The following CNOT6L variants were observed in gnomAD, a reference collection of about 807,000 sequenced individuals.
CNOT6L encodes the protein CCR4-NOT transcription complex subunit 6 like.
CNOT6L carries 7 observed loss-of-function variants against 64.0 expected under a neutral mutation model. That is an observed-to-expected ratio of 0.11 (90% confidence interval 0.06 to 0.21). The LOEUF (loss-of-function observed/expected upper bound fraction) is 0.21. Among genes scored for constraint, CNOT6L ranks in the 10% least tolerant of loss-of-function variants. The pLI is 1.00. For synonymous variants in CNOT6L, 193 were observed against 243.4 expected, an observed-to-expected ratio of 0.79 and a Z score of 1.93; for missense variants, 245 against 669.0, an observed-to-expected ratio of 0.37 and a Z score of 6.99.
chr4:77,811,269 G>C (rs549265067), intron 1 of CNOT6L, among the ~76,000 whole-genome samples: 1 of 152,152 alleles, frequency 6.6e-6, no homozygotes, highest in African/African-American at 2.4e-5. Flanking sequence ...TCAAGAAAGG[G>C]TCGGGCGCGG....
intron 4 of CNOT6L, among the ~76,000 whole-genome samples, chr4:77,771,248 G>GTTGCCGGGAGGCGGAA (rs1727522667): frequency 6.6e-6 from 1 of 152,114 alleles, no homozygotes; most frequent in African/African-American, 2.4e-5. Flanking sequence ...GGGAGGCGGA[G>GTTGCCGGGAGGCGGAA]GTTGCCGGGA....
chr4:77,736,689 G>A (rs903901947), intron 8 of CNOT6L, among the ~76,000 whole-genome samples: 1 of 151,908 alleles, frequency 6.6e-6, no homozygotes, highest in South Asian at 2.1e-4. Context: ...TTGGTAATAC[G>A]GAAAATCTTA....
Position 77,737,406 on chromosome 4 carries a change from C to CTTTTTT in CNOT6L, c.872+4729_872+4734dup, listed in dbSNP as rs56952956. Among the ~76,000 whole-genome samples, 66 of 82,380 alleles carry CTTTTTT rather than the reference C, an allele frequency of 8.0e-4. 2 individuals carry two copies. Among genetic ancestry groups the CTTTTTT allele is most frequent in the African/African-American group, 2.4e-3 (50 of 21,150 alleles). 54.0% of individuals were successfully genotyped at this position (82,380 alleles called of 152,430 possible). ...AATAACATCCTATATTTGTACCGTTCTTTTTTTTTTTTTTTTTTTTTTTTT... is the reference window on the plus strand; with the variant it reads ...AATAACATCCTATATTTGTACCGTTCTTTTTTTTTTTTTTTTTTTTTTTTTTTTTTT... On this transcript the variant is annotated intron_variant, in intron 8 of 11. Coordinates refer to ENST00000504123, the MANE Select transcript of CNOT6L (RefSeq NM_144571.3).
At chr4:77,761,461 C>T (rs1726219183) in intron 4 of CNOT6L, among the ~76,000 whole-genome samples, 1 of 152,156 alleles carries the variant, frequency 6.6e-6, no homozygotes, top group African/African-American at 2.4e-5. Flanking sequence ...GAAAATGCTA[C>T]CAATCATTTA....
In CNOT6L at chr4:77,714,595, TTG is replaced by T. The variant is rs1184080775; in HGVS notation, c.*5834_*5835del. The T allele has an allele frequency of 1.3e-5, 2 of 152,508 alleles. No homozygotes were observed. Among genetic ancestry groups the T allele is most frequent in the Non-Finnish European group, 2.9e-5 (2 of 68,018 alleles). 9.4% of individuals were successfully genotyped at this position (152,508 alleles called of 1,614,324 possible). A position where few individuals can be genotyped will look rare whatever the true frequency, so the allele number is the denominator to read the frequency against. ...TCTCAGCTTCTCCAAGATGAAAAAG[TTG>T]TTTGCATTTGGACAACAACTGTACG... On this transcript the variant is annotated 3_prime_UTR_variant, in exon 12 of 12. Coordinates refer to ENST00000504123, the MANE Select transcript of CNOT6L (RefSeq NM_144571.3).
At chr4:77,799,005 A>C (rs1484251386) in intron 1 of CNOT6L, among the ~76,000 whole-genome samples, 2 of 152,160 alleles carry the variant, frequency 1.3e-5, no homozygotes, top group African/African-American at 4.8e-5. Context: ...TTAAATATGC[A>C]GCTACCATAT....
chr4:77,716,640 T>C lies in CNOT6L; in HGVS notation c.*3791A>G, dbSNP rs776372365. 1 of 152,548 alleles carries C rather than the reference T, an allele frequency of 6.6e-6. No individual in the cohort carries two copies. Among genetic ancestry groups the C allele is most frequent in the Non-Finnish European group, 1.5e-5 (1 of 68,018 alleles). 9.4% of individuals were successfully genotyped at this position (152,548 alleles called of 1,614,324 possible). ...ATGTGCCACATCCTCAATTCTAATA[T>C]AATCTACCATAGAATCAAGTGATAT... On this transcript the variant is annotated 3_prime_UTR_variant, in exon 12 of 12. Coordinates refer to ENST00000504123, the MANE Select transcript of CNOT6L (RefSeq NM_144571.3).
intron 1 of CNOT6L, among the ~76,000 whole-genome samples, chr4:77,796,074 G>A (rs1232508354): frequency 6.6e-6 from 1 of 152,012 alleles, no homozygotes; most frequent in Non-Finnish European, 1.5e-5. Context: ...GCATGATGCT[G>A]GGGTTTAGGG....
chr4:77,812,437 C>CAA (rs373562459), intron 1 of CNOT6L, among the ~76,000 whole-genome samples: 1,621 of 126,522 alleles, frequency 0.013, 45 homozygotes, highest in African/African-American at 0.046. Context: ...GACTCCATCT[C>CAA]AAAAAAAAAA....
chr4:77,795,625 G>A (rs539561432), intron 1 of CNOT6L, among the ~76,000 whole-genome samples: 106 of 152,264 alleles, frequency 7.0e-4, no homozygotes, highest in Non-Finnish European at 1.2e-3. Flanking sequence ...GGATGTGCCT[G>A]CTTCCCCTTC....
rs755274178 is a variant in CNOT6L, at chr4:77,750,383, G to T, written c.491-1999C>A. 5.5e-4 allele frequency among the ~76,000 whole-genome samples: 83 copies of T among 151,902 alleles called. 1 individual carries two copies. Among genetic ancestry groups the T allele is most frequent in the Admixed American group, 2.2e-3 (33 of 15,262 alleles). On this transcript the variant is annotated intron_variant, in intron 5 of 11. Coordinates refer to ENST00000504123, the MANE Select transcript of CNOT6L (RefSeq NM_144571.3). ...GTTTGTTTTTTTTTGAGACAGTCTT[G>T]CTCTGTCACCCAGGCTGGAGTGCAG...
intron 7 of CNOT6L, among the ~76,000 whole-genome samples, chr4:77,743,966 A>C (rs1423980483): frequency 6.6e-6 from 1 of 152,190 alleles, no homozygotes; most frequent in African/African-American, 2.4e-5. Flanking sequence ...TGAATATGTT[A>C]ATTAGCCTCA....
chr4:77,717,331 C>A lies in CNOT6L; in HGVS notation c.*3100G>T, dbSNP rs1015194421. ...GAGAGAGTGGGTGACTTGACATGCA[C>A]TTGTATGACTGTAATAATGGCAAAC... On this transcript the variant is annotated 3_prime_UTR_variant, in exon 12 of 12. Coordinates refer to ENST00000504123, the MANE Select transcript of CNOT6L (RefSeq NM_144571.3). 6.6e-6 allele frequency: 1 copy of A among 152,468 alleles called. No individual in the cohort carries two copies. The highest frequency in any genetic ancestry group is 2.4e-5 in the African/African-American group (1 of 41,406). The allele number at this position is 152,468 out of a possible 1,614,324, so 9.4% of individuals were successfully genotyped here. A position where few individuals can be genotyped will look rare whatever the true frequency, so the allele number is the denominator to read the frequency against.
At position 77,718,497 on chromosome 4, in the gene CNOT6L, C is replaced by A. The variant is rs1463557125; in HGVS notation, c.*1934G>T. On this transcript the variant is annotated 3_prime_UTR_variant, in exon 12 of 12. Transcript: ENST00000504123. The stretch of plus-strand genomic sequence containing the variant: ...GGGTTGTTTCTTTTTGTTTGTTTAT[C>A]CTGGTACTTTAACATTTTTAAAAGA... 6.6e-6 allele frequency: 1 copy of A among 152,480 alleles called. No homozygotes were observed. The highest frequency in any genetic ancestry group is 1.5e-5 in the Non-Finnish European group (1 of 68,006). 9.4% of individuals were successfully genotyped at this position (152,480 alleles called of 1,614,324 possible). A position where few individuals can be genotyped will look rare whatever the true frequency, so the allele number is the denominator to read the frequency against.
At chr4:77,815,482 C>T (rs188018145) in intron 1 of CNOT6L, among the ~76,000 whole-genome samples, 1 of 152,284 alleles carries the variant, frequency 6.6e-6, no homozygotes, top group East Asian at 1.9e-4. Flanking sequence ...TCCACTCACA[C>T]CCAATTTTAC....
At chr4:77,772,494 T>C (rs760537481) in intron 4 of CNOT6L, among the ~76,000 whole-genome samples, 12 of 152,070 alleles carry the variant, frequency 7.9e-5, no homozygotes, top group Non-Finnish European at 1.8e-4. Flanking sequence ...ATTTAAATTA[T>C]CTCTTCTGAG....
At chr4:77,736,167 A>T (rs1302845738) in intron 8 of CNOT6L, among the ~76,000 whole-genome samples, 2 of 152,168 alleles carry the variant, frequency 1.3e-5, no homozygotes, top group Non-Finnish European at 2.9e-5. Context: ...TTCCACTGCC[A>T]CTGAGAAACT....
rs149529629 is a variant in CNOT6L, at chr4:77,735,567, A to G, written c.873-4029T>C. On this transcript the variant is annotated intron_variant, in intron 8 of 11. Coordinates refer to ENST00000504123, the MANE Select transcript of CNOT6L (RefSeq NM_144571.3). ...ATTATCTTCATCTGAAAACCTAACT[A>G]GTTAGTGCAGTTTAGTGACTCTCTT... Among the ~76,000 whole-genome samples the G allele has an allele frequency of 7.4e-3, 1,120 of 152,260 alleles. 7 individuals carry two copies. Among genetic ancestry groups the G allele is most frequent in the Middle Eastern group, 0.027 (8 of 294 alleles).
Position 77,716,719 on chromosome 4 carries a change from A to T in CNOT6L, c.*3712T>A, listed in dbSNP as rs1024409103. ...CTTGCTTCTCTGTGATTTAATATATAACTTTAAGACACCAAAAAAATAGGG... is the reference window on the plus strand; with the variant it reads ...CTTGCTTCTCTGTGATTTAATATATTACTTTAAGACACCAAAAAAATAGGG... On this transcript the variant is annotated 3_prime_UTR_variant, in exon 12 of 12. Transcript: ENST00000504123. 3 of 152,566 alleles carry T rather than the reference A, an allele frequency of 2.0e-5. No individual in the cohort carries two copies. Among genetic ancestry groups the T allele is most frequent in the African/African-American group, 7.2e-5 (3 of 41,444 alleles). 9.5% of individuals were successfully genotyped at this position (152,566 alleles called of 1,614,324 possible). A position where few individuals can be genotyped will look rare whatever the true frequency, so the allele number is the denominator to read the frequency against.
Sources: allele counts gnomAD v4.1 joint callset (sites outside exome capture counted in the v4.1 genomes callset), GRCh38; gene constraint gnomAD v4.1.1; transcripts MANE v1.5; gene names NCBI Gene and HGNC (gene_info 2026-07-23, HGNC 2026-07-21).